The following NUDCD2 variants were observed in gnomAD, a reference collection of about 807,000 sequenced individuals.
NUDCD2 encodes the protein NudC domain containing 2.
A neutral mutation model predicts 20.8 loss-of-function variants in NUDCD2; 16 were observed. The ratio of observed to expected loss-of-function variants is 0.77; its 90% CI spans 0.52 to 1.17. NUDCD2 has a LOEUF of 1.17. NUDCD2 is among the 50% of genes most tolerant of loss of function. NUDCD2 has a pLI of 0.00. For synonymous variants in NUDCD2, 87 were observed against 72.8 expected (o/e 1.20, Z -1.00); for missense variants, 199 against 193.9 (o/e 1.03, Z -0.16).
intron 1 of NUDCD2, among the ~76,000 whole-genome samples, chr5:163,458,841 G>A (rs539680767): frequency 6.6e-6 from 1 of 152,186 alleles, no homozygotes; most frequent in Non-Finnish European, 1.5e-5. Context: ...AACCATTGTT[G>A]AGGAAACTAT....
In NUDCD2 at chr5:163,451,579, G is replaced by C. The variant is rs1758178220; in HGVS notation, c.*2388C>G. 6.6e-6 allele frequency: 1 copy of C among 152,142 alleles called. No individual in the cohort carries two copies. The highest frequency in any genetic ancestry group is 1.5e-5 in the Non-Finnish European group (1 of 68,030). The allele number at this position is 152,142 out of a possible 1,614,324, so 9.4% of individuals were successfully genotyped here. On this transcript the variant is annotated 3_prime_UTR_variant, in exon 4 of 4. Transcript: ENST00000302764. ...AGAGAATAAAATTAAAAGAAAAATA[G>C]CCTCTTCCCCCGACAATTCATTCCT...
In NUDCD2 at chr5:163,449,454, T is replaced by C. The variant is rs1453767183; in HGVS notation, c.*4513A>G. 1 of 152,194 alleles carries C rather than the reference T, an allele frequency of 6.6e-6. No homozygotes were observed. Among genetic ancestry groups the C allele is most frequent in the Non-Finnish European group, 1.5e-5 (1 of 68,040 alleles). The allele number at this position is 152,194 out of a possible 1,614,324, so 9.4% of individuals were successfully genotyped here. On this transcript the variant is annotated 3_prime_UTR_variant, in exon 4 of 4. Coordinates refer to ENST00000302764, the MANE Select transcript of NUDCD2 (RefSeq NM_145266.6). ...TATGCTGAAAAATGACATAAAATGC[T>C]GATAACTGAAATGAAAGAGGTCCTA...
intron 3 of NUDCD2, among the ~76,000 whole-genome samples, chr5:163,455,083 T>G (rs934040880): frequency 6.6e-6 from 1 of 151,960 alleles, no homozygotes; most frequent in Admixed American, 6.5e-5. Context: ...TGGGCCAAAT[T>G]TGGCCCAAGG....
chr5:163,459,856 C>A lies in NUDCD2; in HGVS notation c.189+6G>T, dbSNP rs1047933804. The A allele has an allele frequency of 1.8e-5, 28 of 1,594,186 alleles. No individual in the cohort carries two copies. The highest frequency in any genetic ancestry group is 6.0e-6 in the Non-Finnish European group (7 of 1,170,950). ...AAACTGAACACAAGCCCCGAGCTGC[C>A]GCTACCTTGAGGATCTCGCGGCCGC... On this transcript the variant is annotated splice_donor_region_variant and intron_variant, in intron 1 of 3. Coordinates refer to ENST00000302764, the MANE Select transcript of NUDCD2 (RefSeq NM_145266.6).
chr5:163,447,892 C>T lies in NUDCD2; in HGVS notation c.*6075G>A, dbSNP rs1758079188. 2 of 152,110 alleles carry T rather than the reference C, an allele frequency of 1.3e-5. No individual in the cohort carries two copies. Among genetic ancestry groups the T allele is most frequent in the Non-Finnish European group, 2.9e-5 (2 of 68,028 alleles). The allele number at this position is 152,110 out of a possible 1,614,324, so 9.4% of individuals were successfully genotyped here. ...TATTTTAAAATAAATGAAAATATCA[C>T]CGTGCTTGGAATGCAGCCATGCTGG... On this transcript the variant is annotated 3_prime_UTR_variant, in exon 4 of 4. Transcript: ENST00000302764.
At position 163,448,855 on chromosome 5, in the gene NUDCD2, A is replaced by C. The variant is rs1312874482; in HGVS notation, c.*5112T>G. 2 of 152,228 alleles carry C rather than the reference A, an allele frequency of 1.3e-5. No individual in the cohort carries two copies. The highest frequency in any genetic ancestry group is 2.4e-5 in the African/African-American group (1 of 41,460). The allele number at this position is 152,228 out of a possible 1,614,324, so 9.4% of individuals were successfully genotyped here. ...ATCCATGATTTTAACAGTCTAAACA[A>C]AAAGAATGACCAAACTGATACAGAA... On this transcript the variant is annotated 3_prime_UTR_variant, in exon 4 of 4. Transcript: ENST00000302764.
At position 163,449,242 on chromosome 5, in the gene NUDCD2, G is replaced by C. The variant is rs1219927004; in HGVS notation, c.*4725C>G. 6.6e-6 allele frequency: 1 copy of C among 152,122 alleles called. No homozygotes were observed. The highest frequency in any genetic ancestry group is 1.5e-5 in the Non-Finnish European group (1 of 68,034). 9.4% of individuals were successfully genotyped at this position (152,122 alleles called of 1,614,324 possible). ...ACTGTTTCTATTCGTAGTTTATGTA[G>C]AAAACTTAATGAGTTAACAACAAAA... On this transcript the variant is annotated 3_prime_UTR_variant, in exon 4 of 4. Transcript: ENST00000302764.
rs890689089 is a variant in NUDCD2 at position 163,451,173 on chromosome 5, G to A, written c.*2794C>T. ...AAACTATACAAGGTTTCTATCTGAG[G>A]TGATGAAAACATTCTAAAATTGATT... On this transcript the variant is annotated 3_prime_UTR_variant, in exon 4 of 4. Transcript: ENST00000302764. The A allele has an allele frequency of 6.6e-6, 1 of 152,182 alleles. No individual in the cohort carries two copies. Among genetic ancestry groups the A allele is most frequent in the African/African-American group, 2.4e-5 (1 of 41,448 alleles). The allele number at this position is 152,182 out of a possible 1,614,324, so 9.4% of individuals were successfully genotyped here.
At position 163,449,099 on chromosome 5, in the gene NUDCD2, A is replaced by G. The variant is rs1270368316; in HGVS notation, c.*4868T>C. On this transcript the variant is annotated 3_prime_UTR_variant, in exon 4 of 4. Coordinates refer to ENST00000302764, the MANE Select transcript of NUDCD2 (RefSeq NM_145266.6). The stretch of plus-strand genomic sequence containing the variant: ...TGGCCACTGCAATCAGGCAAGAAAA[A>G]TCATAGACTAAAAAGAATAAAATAA... 1.3e-5 allele frequency: 2 copies of G among 152,348 alleles called. No homozygotes were observed. Among genetic ancestry groups the G allele is most frequent in the Admixed American group, 1.3e-4 (2 of 15,298 alleles). The allele number at this position is 152,348 out of a possible 1,614,324, so 9.4% of individuals were successfully genotyped here. A position where few individuals can be genotyped will look rare whatever the true frequency, so the allele number is the denominator to read the frequency against.
chr5:163,448,825 G>C lies in NUDCD2; in HGVS notation c.*5142C>G, dbSNP rs1053153432. ...AAGCTGTTTCAAAATTCTGGAATCAGTAAAATCCATGATTTTAACAGTCTA... is the reference window on the plus strand; with the variant it reads ...AAGCTGTTTCAAAATTCTGGAATCACTAAAATCCATGATTTTAACAGTCTA... On this transcript the variant is annotated 3_prime_UTR_variant, in exon 4 of 4. Transcript: ENST00000302764. The C allele has an allele frequency of 6.6e-6, 1 of 152,152 alleles. No individual in the cohort carries two copies. The highest frequency in any genetic ancestry group is 2.4e-5 in the African/African-American group (1 of 41,444). 9.4% of individuals were successfully genotyped at this position (152,152 alleles called of 1,614,324 possible). A position where few individuals can be genotyped will look rare whatever the true frequency, so the allele number is the denominator to read the frequency against.
chr5:163,450,101 TA>T lies in NUDCD2; in HGVS notation c.*3865del, dbSNP rs1237686047. 18 of 147,182 alleles carry T rather than the reference TA, an allele frequency of 1.2e-4. No individual in the cohort carries two copies. Among genetic ancestry groups the T allele is most frequent in the Admixed American group, 1.0e-3 (15 of 14,744 alleles). The allele number at this position is 147,182 out of a possible 1,614,324, so 9.1% of individuals were successfully genotyped here. ...TCCCAACTCTACTAAAAATAAAAAATAAAAAAAAAATGGGCTGGGAGTGGTG... is the reference window on the plus strand; with the variant it reads ...TCCCAACTCTACTAAAAATAAAAAATAAAAAAAAATGGGCTGGGAGTGGTG... On this transcript the variant is annotated 3_prime_UTR_variant, in exon 4 of 4. Coordinates refer to ENST00000302764, the MANE Select transcript of NUDCD2 (RefSeq NM_145266.6).
At position 163,447,859 on chromosome 5, in the gene NUDCD2, T is replaced by C. The variant is rs1758078268; in HGVS notation, c.*6108A>G. The C allele has an allele frequency of 6.6e-6, 1 of 152,210 alleles. No homozygotes were observed. The highest frequency in any genetic ancestry group is 2.1e-4 in the South Asian group (1 of 4,836). 9.4% of individuals were successfully genotyped at this position (152,210 alleles called of 1,614,324 possible). On this transcript the variant is annotated 3_prime_UTR_variant, in exon 4 of 4. Coordinates refer to ENST00000302764, the MANE Select transcript of NUDCD2 (RefSeq NM_145266.6). ...TAACTCATGATACTACAGGGAAGTC[T>C]TAAAAAATATTTTAAAATAAATGAA...
At chr5:163,456,126 G>A (rs982956310) in intron 3 of NUDCD2, among the ~76,000 whole-genome samples, 1 of 152,132 alleles carries the variant, frequency 6.6e-6, no homozygotes, top group African/African-American at 2.4e-5. Flanking sequence ...AGGTGGAGAT[G>A]TTGAATAGGC....
At chr5:163,457,999 T>G (rs2113428563) in intron 1 of NUDCD2, among the ~76,000 whole-genome samples, 1 of 141,358 alleles carries the variant, frequency 7.1e-6, no homozygotes, top group South Asian at 2.3e-4. Context: ...TTTTTTTTTT[T>G]TTTTTTTGAG....
Position 163,450,503 on chromosome 5 carries a change from G to T in NUDCD2, c.*3464C>A, listed in dbSNP as rs567050068. 151 of 152,226 alleles carry T rather than the reference G, an allele frequency of 9.9e-4. No individual in the cohort carries two copies. Among genetic ancestry groups the T allele is most frequent in the African/African-American group, 3.4e-3 (143 of 41,534 alleles). 9.4% of individuals were successfully genotyped at this position (152,226 alleles called of 1,614,324 possible). A position where few individuals can be genotyped will look rare whatever the true frequency, so the allele number is the denominator to read the frequency against. ...TACCCAATAAGACAACTAAAAAAAT[G>T]GGTAAATAATTTGAATAAACACTGC... On this transcript the variant is annotated 3_prime_UTR_variant, in exon 4 of 4. Transcript: ENST00000302764.
chr5:163,456,191 T>A (rs1758306433), intron 3 of NUDCD2, among the ~76,000 whole-genome samples: 4 of 152,130 alleles, frequency 2.6e-5, no homozygotes. Context: ...GAGATATACA[T>A]CTGGAAATCA....
rs1758221591 is a variant in NUDCD2 at position 163,453,173 on chromosome 5, T to C, written c.*794A>G. On this transcript the variant is annotated 3_prime_UTR_variant, in exon 4 of 4. Coordinates refer to ENST00000302764, the MANE Select transcript of NUDCD2 (RefSeq NM_145266.6). ...CTTTTCTATGCATGAGATTTAAAATTTTTTCAAGAGTTAAAAAGGGCAAAA... is the reference window on the plus strand; with the variant it reads ...CTTTTCTATGCATGAGATTTAAAATCTTTTCAAGAGTTAAAAAGGGCAAAA... The C allele has an allele frequency of 6.6e-6, 1 of 152,088 alleles. No individual in the cohort carries two copies. The highest frequency in any genetic ancestry group is 2.4e-5 in the African/African-American group (1 of 41,358). 9.4% of individuals were successfully genotyped at this position (152,088 alleles called of 1,614,324 possible).
intron 1 of NUDCD2, among the ~76,000 whole-genome samples, chr5:163,458,648 G>A (rs1043033351): frequency 2.0e-5 from 3 of 151,862 alleles, no homozygotes; most frequent in African/African-American, 7.3e-5. Context: ...TTAATTTGTT[G>A]CCAAATTTAA....
chr5:163,449,672 C>T lies in NUDCD2; in HGVS notation c.*4295G>A, dbSNP rs1353731980. ...TCATGCTGCCCAGTTTTAAGACTTA[C>T]TATAAAGCTGTGATAATCAAGGCAA... On this transcript the variant is annotated 3_prime_UTR_variant, in exon 4 of 4. Transcript: ENST00000302764. 2 of 152,120 alleles carry T rather than the reference C, an allele frequency of 1.3e-5. No individual in the cohort carries two copies. Among genetic ancestry groups the T allele is most frequent in the Non-Finnish European group, 2.9e-5 (2 of 68,024 alleles). The allele number at this position is 152,120 out of a possible 1,614,324, so 9.4% of individuals were successfully genotyped here.
Sources: allele counts gnomAD v4.1 joint callset (sites outside exome capture counted in the v4.1 genomes callset), GRCh38; gene constraint gnomAD v4.1.1; transcripts MANE v1.5; gene names NCBI Gene and HGNC (gene_info 2026-07-23, HGNC 2026-07-21).